Variants in CNTNAP2 observed in about 807,000 individuals in gnomAD.
CNTNAP2 encodes contactin-associated protein-like 2.
CNTNAP2 carries 98 observed loss-of-function variants against 155.2 expected under a neutral mutation model. That is an observed-to-expected ratio of 0.63 (90% CI 0.54 to 0.75). The LOEUF (loss-of-function observed/expected upper bound fraction) is 0.75, where lower values mean the gene tolerates loss of function less well. Ranked by LOEUF, CNTNAP2 falls within the 30% of genes least tolerant of loss-of-function variation. The pLI is 0.00. For synonymous variants in CNTNAP2, 651 were observed against 631.2 expected (o/e 1.03, Z -0.47); for missense variants, 1,727 against 1,688.1 (o/e 1.02, Z -0.40).
chr7:148,232,609 G>A (rs892128549), intron 20 of CNTNAP2, among the ~76,000 whole-genome samples: 1 of 152,012 alleles, frequency 6.6e-6, no homozygotes, highest in Non-Finnish European at 1.5e-5. Flanking sequence ...GATAACAAAG[G>A]CATTTCAATA....
At chr7:146,465,190 T>TTGCA (rs1796700304) in intron 1 of CNTNAP2, among the ~76,000 whole-genome samples, 1 of 152,142 alleles carries the variant, frequency 6.6e-6, no homozygotes, top group African/African-American at 2.4e-5. Flanking sequence ...GTGCAAGATG[T>TTGCA]TGCAGTCTTG....
chr7:146,127,540 A>G (rs1366428028), intron 1 of CNTNAP2, among the ~76,000 whole-genome samples: 24 of 152,186 alleles, frequency 1.6e-4, no homozygotes, highest in Admixed American at 1.6e-3. Context: ...CATAAGGGAA[A>G]TTTGAAACCA....
chr7:146,601,421 T>C (rs553661764), intron 1 of CNTNAP2, among the ~76,000 whole-genome samples: 1 of 152,234 alleles, frequency 6.6e-6, no homozygotes, highest in East Asian at 1.9e-4. Flanking sequence ...GTGAAAGTCC[T>C]TAAAATTCTA....
intron 1 of CNTNAP2, among the ~76,000 whole-genome samples, chr7:146,622,152 T>TATATATATATACACACAC (rs1799329924): frequency 2.7e-5 from 3 of 112,586 alleles, no homozygotes; most frequent in African/African-American, 8.9e-5. Flanking sequence ...TACACACACG[T>TATATATATATACACACAC]ATATATATAT....
At chr7:148,105,611 G>A (rs375594189) in intron 15 of CNTNAP2, among the ~76,000 whole-genome samples, 1 of 150,204 alleles carries the variant, frequency 6.7e-6, no homozygotes, top group Non-Finnish European at 1.5e-5. Flanking sequence ...TTTTTGTGAT[G>A]GAGTCTTGCT....
chr7:147,495,877 C>T (rs1432204280), intron 11 of CNTNAP2, among the ~76,000 whole-genome samples: 1 of 152,152 alleles, frequency 6.6e-6, no homozygotes, highest in Non-Finnish European at 1.5e-5. Flanking sequence ...GAAGCTTCAC[C>T]TCTATTTACA....
chr7:147,368,694 G>T (rs1013412003), intron 9 of CNTNAP2, among the ~76,000 whole-genome samples: 1 of 152,194 alleles, frequency 6.6e-6, no homozygotes, highest in African/African-American at 2.4e-5. Flanking sequence ...GGGCATGCAT[G>T]TATCAAGGGC....
intron 8 of CNTNAP2, among the ~76,000 whole-genome samples, chr7:147,148,632 G>A (rs1199599228): frequency 2.6e-5 from 4 of 152,218 alleles, no homozygotes; most frequent in Admixed American, 2.6e-4. Flanking sequence ...TCCTTCTGAT[G>A]TTCAGATGTG....
intron 15 of CNTNAP2, among the ~76,000 whole-genome samples, chr7:148,029,840 A>G (rs1802440896): frequency 6.6e-6 from 1 of 152,176 alleles, no homozygotes; most frequent in Admixed American, 6.5e-5. Context: ...CCAAATATGA[A>G]CATAAGACCA....
chr7:147,584,810 A>T (rs1202849742), intron 12 of CNTNAP2, among the ~76,000 whole-genome samples: 1 of 152,238 alleles, frequency 6.6e-6, no homozygotes, highest in African/African-American at 2.4e-5. Context: ...AGGCATCTTC[A>T]TGCTTACACA....
intron 13 of CNTNAP2, among the ~76,000 whole-genome samples, chr7:147,868,592 G>A (rs1161935403): frequency 6.6e-6 from 1 of 152,248 alleles, no homozygotes; most frequent in Non-Finnish European, 1.5e-5. Context: ...AGTCTATAGA[G>A]GCAGTAGGCC....
Position 147,278,315 on chromosome 7 carries a change from G to A in CNTNAP2, c.1349-21826G>A, listed in dbSNP as rs544090477. On this transcript the variant is annotated intron_variant, in intron 8 of 23. Coordinates refer to ENST00000361727, the MANE Select transcript of CNTNAP2 (RefSeq NM_014141.6). Reference sequence around the variant, plus strand: ...GTGATTTCTTTTAATATTAAGCAATGTTCACTGACTTTTATAGTTACTTCT... The same window carrying A: ...GTGATTTCTTTTAATATTAAGCAATATTCACTGACTTTTATAGTTACTTCT... 4.6e-5 allele frequency among the ~76,000 whole-genome samples: 7 copies of A among 151,716 alleles called. 1 individual carries two copies. In the South Asian group the frequency reaches 1.2e-3, roughly 27 times the overall value.
intron 3 of CNTNAP2, among the ~76,000 whole-genome samples, chr7:146,846,028 G>A (rs1489825000): frequency 6.6e-6 from 1 of 152,132 alleles, no homozygotes; most frequent in Admixed American, 6.5e-5. Flanking sequence ...AAATATAAAT[G>A]CCATTCTGTT....
intron 9 of CNTNAP2, among the ~76,000 whole-genome samples, chr7:147,384,641 C>T (rs115136745): frequency 0.017 from 2,544 of 152,232 alleles, 72 homozygotes; most frequent in African/African-American, 0.057. Flanking sequence ...GCAATCTCAT[C>T]AATAATCCAT....
At chr7:147,187,878 G>A (rs1167468853) in intron 8 of CNTNAP2, among the ~76,000 whole-genome samples, 1 of 152,168 alleles carries the variant, frequency 6.6e-6, no homozygotes, top group Admixed American at 6.5e-5. Context: ...TGGGCCACAT[G>A]GTGAAACCCT....
chr7:147,883,854 C>T (rs1563123022), intron 13 of CNTNAP2, among the ~76,000 whole-genome samples: 2 of 152,108 alleles, frequency 1.3e-5, no homozygotes, highest in African/African-American at 4.8e-5. Context: ...TAACTATGGA[C>T]AGGTGCTATT....
At chr7:147,039,597 TA>T (rs1375859376) in intron 3 of CNTNAP2, among the ~76,000 whole-genome samples, 2 of 152,216 alleles carry the variant, frequency 1.3e-5, no homozygotes, top group African/African-American at 4.8e-5. Flanking sequence ...GGGTTGATTC[TA>T]TGCCTTTGCT....
chr7:148,189,956 G>A (rs1223430609), intron 18 of CNTNAP2: 1 of 152,182 alleles, frequency 6.6e-6, no homozygotes, highest in Non-Finnish European at 1.5e-5. Flanking sequence ...TTTATCTCTT[G>A]AAGATTTGGA....
intron 21 of CNTNAP2, among the ~76,000 whole-genome samples, chr7:148,352,984 G>A (rs752911798): frequency 4.6e-5 from 7 of 152,176 alleles, no homozygotes; most frequent in Admixed American, 6.5e-5. Context: ...GCCAGATGAC[G>A]ATGGTAAAGT....
Sources: allele counts gnomAD v4.1 joint callset (sites outside exome capture counted in the v4.1 genomes callset), GRCh38; gene constraint gnomAD v4.1.1; transcripts MANE v1.5; gene names NCBI Gene and HGNC (gene_info 2026-07-23, HGNC 2026-07-21).